Variants in CPT1A observed in about 807,000 individuals in gnomAD.
CPT1A encodes the protein carnitine O-palmitoyltransferase 1, liver isoform.
Under a neutral mutation model 100.8 loss-of-function variants are expected in CPT1A, and 64 were observed. The ratio of observed to expected loss-of-function variants is 0.63; its 90% CI spans 0.52 to 0.78. CPT1A has a LOEUF of 0.78. Ranked by LOEUF, CPT1A falls within the 30% of genes least tolerant of loss-of-function variation. The pLI is 0.00. For missense variants in CPT1A, 802 were observed against 1,034.1 expected, an observed-to-expected ratio of 0.78 and a Z score of 3.08; for synonymous variants, 363 against 396.0, an observed-to-expected ratio of 0.92 and a Z score of 0.99.
intron 9 of CPT1A, among the ~76,000 whole-genome samples, chr11:68,789,112 A>G (rs1228206668): frequency 1.3e-5 from 2 of 152,228 alleles, no homozygotes; most frequent in Admixed American, 1.3e-4. Context: ...ATTGTACTGG[A>G]GTGGTAAGAT....
intron 14 of CPT1A, among the ~76,000 whole-genome samples, chr11:68,766,210 A>G (rs752267415): frequency 6.6e-6 from 1 of 151,922 alleles, no homozygotes; most frequent in Non-Finnish European, 1.5e-5. Context: ...TCAAGGGGTC[A>G]ATATAACACA....
intron 4 of CPT1A, 102 bp downstream of exon 4, chr11:68,807,365 T>C (rs1032266935): frequency 5.0e-6 from 6 of 1,204,010 alleles, no homozygotes; most frequent in African/African-American, 3.0e-5. Flanking sequence ...CAACCAAGCA[T>C]AGAGGGAGAA....
rs114113637 is a variant in CPT1A at position 68,762,302 on chromosome 11, C to T, written c.1875+325G>A. Among the ~76,000 whole-genome samples, 358 of 152,354 alleles carry T rather than the reference C, an allele frequency of 2.3e-3. 5 individuals are homozygous for T. Among genetic ancestry groups the T allele is most frequent in the African/African-American group, 8.4e-3 (348 of 41,588 alleles). On this transcript the variant is annotated intron_variant, in intron 15 of 18. Transcript: ENST00000265641. ...ACAGCTCACCTACCCTGACACCAAC[C>T]ACCTGTTCAGTTCCAAAGCAGCCAC...
intron 4 of CPT1A, among the ~76,000 whole-genome samples, chr11:68,807,117 AG>A (rs1340457103): frequency 6.6e-6 from 1 of 152,144 alleles, no homozygotes; most frequent in Non-Finnish European, 1.5e-5. Context: ...AGCCTGTCTG[AG>A]GGGTCAGCTA....
chr11:68,810,689 G>A (rs1856177199), intron 3 of CPT1A, among the ~76,000 whole-genome samples: 1 of 151,980 alleles, frequency 6.6e-6, no homozygotes, highest in South Asian at 2.1e-4. Flanking sequence ...TTTATTTCTA[G>A]TCATCAGAAT....
intron 9 of CPT1A, among the ~76,000 whole-genome samples, chr11:68,789,174 T>C (rs1448565486): frequency 6.6e-6 from 1 of 152,210 alleles, no homozygotes; most frequent in Non-Finnish European, 1.5e-5. Flanking sequence ...AGTAATTCCA[T>C]TTTATAGCAA....
chr11:68,786,355 T>G (rs1230999139), intron 9 of CPT1A, among the ~76,000 whole-genome samples: 1 of 152,148 alleles, frequency 6.6e-6, no homozygotes, highest in Admixed American at 6.6e-5. Flanking sequence ...AGCAAGATCC[T>G]ATCTCAAACA....
intron 14 of CPT1A, among the ~76,000 whole-genome samples, chr11:68,771,026 A>G (rs1189581834): frequency 6.6e-6 from 1 of 152,226 alleles, no homozygotes; most frequent in Admixed American, 6.5e-5. Context: ...TGCCAAGTAC[A>G]TGGCACAGTG....
At chr11:68,824,575 G>C (rs753605537) in intron 1 of CPT1A, among the ~76,000 whole-genome samples, 1 of 152,158 alleles carries the variant, frequency 6.6e-6, no homozygotes, top group Non-Finnish European at 1.5e-5. Context: ...TTGTGGTTAT[G>C]TTTTTTAAGA....
At chr11:68,789,908 G>T (rs1048748315) in intron 9 of CPT1A, among the ~76,000 whole-genome samples, 1 of 152,156 alleles carries the variant, frequency 6.6e-6, no homozygotes, top group African/African-American at 2.4e-5. Context: ...TTTTAAAACA[G>T]TTTGAAGTAT....
At chr11:68,828,986 C>A (rs959118448) in intron 1 of CPT1A, among the ~76,000 whole-genome samples, 2 of 152,262 alleles carry the variant, frequency 1.3e-5, no homozygotes, top group South Asian at 4.1e-4. Context: ...TAGCTTCAAC[C>A]TGAGCACACT....
intron 1 of CPT1A, among the ~76,000 whole-genome samples, chr11:68,815,760 T>C (rs1193228532): frequency 4.7e-4 from 54 of 116,004 alleles, no homozygotes; most frequent in East Asian, 1.9e-3. Context: ...GGACATTCCC[T>C]GGAACCACGC....
At chr11:68,799,099 C>T (rs1257159887) in intron 6 of CPT1A, 119 bp downstream of exon 6, 2 of 875,334 alleles carry the variant, frequency 2.3e-6, no homozygotes, top group African/African-American at 3.3e-5. Flanking sequence ...GCTGGAACTT[C>T]CTAGGGTGTG....
At chr11:68,758,340 C>T (rs1217075547) in intron 18 of CPT1A, among the ~76,000 whole-genome samples, 2 of 152,282 alleles carry the variant, frequency 1.3e-5, no homozygotes, top group East Asian at 1.9e-4. Flanking sequence ...CTGTTAACAG[C>T]GACAGTGGCA....
chr11:68,809,379 G>C (rs898194650), intron 3 of CPT1A, among the ~76,000 whole-genome samples: 9 of 152,288 alleles, frequency 5.9e-5, no homozygotes, highest in Admixed American at 1.3e-4. Flanking sequence ...TATAGACATA[G>C]AGGCACTCAG....
At chr11:68,786,041 G>A (rs1018425907) in intron 9 of CPT1A, 11 of 702,192 alleles carry the variant, frequency 1.6e-5, no homozygotes, top group Non-Finnish European at 2.9e-5. Flanking sequence ...ATCGTCTAGT[G>A]AGGAAGACAA....
At chr11:68,813,405 G>A (rs1316898267) in intron 2 of CPT1A, among the ~76,000 whole-genome samples, 10 of 151,586 alleles carry the variant, frequency 6.6e-5, no homozygotes, top group African/African-American at 2.2e-4. Context: ...GGTGGTGGGC[G>A]CCTATAGTCC....
At chr11:68,764,576 T>C (rs1379423170) in intron 14 of CPT1A, among the ~76,000 whole-genome samples, 2 of 149,290 alleles carry the variant, frequency 1.3e-5, no homozygotes, top group African/African-American at 2.5e-5. Flanking sequence ...GAACGGAGAG[T>C]CAGACAGAGC....
At chr11:68,838,781 G>A (rs1402818280) in intron 1 of CPT1A, among the ~76,000 whole-genome samples, 1 of 152,052 alleles carries the variant, frequency 6.6e-6, no homozygotes, top group East Asian at 1.9e-4. Flanking sequence ...TGCCCAGGTT[G>A]GTCTCGAATT....
Sources: allele counts gnomAD v4.1 joint callset (sites outside exome capture counted in the v4.1 genomes callset), GRCh38; gene constraint gnomAD v4.1.1; transcripts MANE v1.5; gene names NCBI Gene and HGNC (gene_info 2026-07-23, HGNC 2026-07-21).